The following MYO16 variants were observed in gnomAD, a reference collection of about 807,000 sequenced individuals.
The protein encoded by MYO16 is myosin XVI, also known as unconventional myosin-XVI.
Under a neutral mutation model 205.3 loss-of-function variants are expected in MYO16, and 94 were observed. That is an observed-to-expected ratio of 0.46 (90% CI 0.39 to 0.54). MYO16 has a LOEUF of 0.54. Ranked by LOEUF, MYO16 falls within the 20% of genes least tolerant of loss-of-function variation. MYO16 has a pLI of 0.00. For synonymous variants in MYO16, 988 were observed against 954.0 expected (o/e 1.04, Z -0.66); for missense variants, 2,315 against 2,387.5 (o/e 0.97, Z 0.63).
chr13:108,666,080 A>G lies in MYO16; in HGVS notation c.223A>G (p.Asn75Asp). 4 of 1,614,132 alleles carry G rather than the reference A, an allele frequency of 2.5e-6. No homozygotes were observed. In the South Asian group the frequency reaches 4.4e-5, roughly 18 times the overall value. Residue 75 changes from asparagine (N) to aspartate (D), a missense_variant, in exon 2 of 35, where the codon AAT becomes GAT. Asn to Asp is a conservative substitution (Grantham distance 23, BLOSUM62 1). Transcript: ENST00000457511. ...CCTGAAAAGGCTGAAGCATGCGAAG[A>G]ATCCGAAAGTTCACTTCAACCTCAC... ...GFLKRLKHAKNPKVHFNLTDM... is the reference protein window; with the variant it reads ...GFLKRLKHAKDPKVHFNLTDM...
intron 17 of MYO16, among the ~76,000 whole-genome samples, chr13:108,960,711 A>T (rs995630683): frequency 2.0e-5 from 3 of 152,206 alleles, no homozygotes; most frequent in Non-Finnish European, 2.9e-5. Flanking sequence ...ACGGGGCTCA[A>T]CCTGTTTTAC....
intron 4 of MYO16, among the ~76,000 whole-genome samples, chr13:108,729,633 T>G (rs562767500): frequency 6.6e-6 from 1 of 152,334 alleles, no homozygotes; most frequent in Non-Finnish European, 1.5e-5. Flanking sequence ...ATGGCCATAC[T>G]TATTCTCACA....
intron 28 of MYO16, among the ~76,000 whole-genome samples, chr13:109,112,191 G>C (rs966287904): frequency 5.9e-5 from 9 of 152,112 alleles, no homozygotes; most frequent in South Asian, 2.1e-4. Context: ...ATAAAAAAGG[G>C]TTAGCTCATA....
chr13:109,023,714 A>ATATATGTATATATGTATATATTACAT (rs1886241293), intron 23 of MYO16, among the ~76,000 whole-genome samples: 2 of 56,474 alleles, frequency 3.5e-5, no homozygotes, highest in Non-Finnish European at 7.2e-5. Flanking sequence ...TATATATACA[A>ATATATGTATATATGTATATATTACAT]ATATATGTAT....
At chr13:108,536,909 A>G in the MYO16 span, among the ~76,000 whole-genome samples, 1 of 152,114 alleles carries the variant, frequency 6.6e-6, no homozygotes, top group East Asian at 1.9e-4. Context: ...CCATCATCAC[A>G]AATAGTGTTG....
In MYO16 at chr13:109,162,111, AT is replaced by A. The variant is rs1878414314; in HGVS notation, c.5165-2789del. Among the ~76,000 whole-genome samples the A allele has an allele frequency of 6.6e-6, 1 of 152,208 alleles. No homozygotes were observed. The highest frequency in any genetic ancestry group is 2.4e-5 in the African/African-American group (1 of 41,444). ...AAAAACAAAACAAAGCCCAAAAAAC[AT>A]GTCTTGGCTATAGTTTAACCTGCCA... On this transcript the variant is annotated intron_variant, in intron 32 of 34. Transcript: ENST00000457511. This position sits in a 1 kb window ranked among gnomAD's most constrained non-coding sequence, Gnocchi z 4.6.
At chr13:108,904,535 A>G (rs1344318410) in intron 15 of MYO16, among the ~76,000 whole-genome samples, 1 of 152,184 alleles carries the variant, frequency 6.6e-6, no homozygotes, top group African/African-American at 2.4e-5. Flanking sequence ...AAGTCAGTTT[A>G]TGATATTAAT....
rs533033775 is a variant in MYO16 at position 109,180,865 on chromosome 13, T to C, written c.5415+1232T>C. On this transcript the variant is annotated intron_variant, in intron 34 of 34. Transcript: ENST00000457511. ...ATCACAGATGCTTCCTCTGAGATCATGCACAGGGGAACCTCCTGGTCATGA... is the reference window on the plus strand; with the variant it reads ...ATCACAGATGCTTCCTCTGAGATCACGCACAGGGGAACCTCCTGGTCATGA... Among the ~76,000 whole-genome samples, 4 of 152,348 alleles carry C rather than the reference T, an allele frequency of 2.6e-5. No homozygotes were observed. In the South Asian group the frequency reaches 8.3e-4, roughly 32 times the overall value.
chr13:108,609,129 T>A (rs1879075423), intron 1 of MYO16, among the ~76,000 whole-genome samples: 1 of 152,202 alleles, frequency 6.6e-6, no homozygotes, highest in Non-Finnish European at 1.5e-5. Flanking sequence ...CTCAAGCCTG[T>A]CTGCAGGCCA....
chr13:109,000,544 T>C (rs1440530254), intron 21 of MYO16, among the ~76,000 whole-genome samples: 1 of 152,218 alleles, frequency 6.6e-6, no homozygotes. Context: ...TAATCATTGG[T>C]TTTGGACTAT....
intron 34 of MYO16, among the ~76,000 whole-genome samples, chr13:109,198,282 A>C (rs1417134875): frequency 6.6e-6 from 1 of 152,162 alleles, no homozygotes; most frequent in Non-Finnish European, 1.5e-5. Flanking sequence ...AACGCAAATA[A>C]ATTTTAAATT....
chr13:109,174,748 C>CT (rs34606084), intron 33 of MYO16, among the ~76,000 whole-genome samples: 10,007 of 85,542 alleles, frequency 0.12, 745 homozygotes, highest in African/African-American at 0.15. Context: ...CTTGTCTTGT[C>CT]TTTTTTTTTT....
intron 14 of MYO16, among the ~76,000 whole-genome samples, chr13:108,897,672 C>T (rs566308041): frequency 8.5e-5 from 13 of 152,292 alleles, no homozygotes; most frequent in Middle Eastern, 6.8e-3. Context: ...AAAATGCAAA[C>T]GCTATTTTAC....
chr13:108,888,343 C>T (rs1389633328), intron 13 of MYO16, 29 bp from the exon 14 acceptor site: 1 of 1,502,702 alleles, frequency 6.7e-7, no homozygotes, highest in Non-Finnish European at 9.0e-7. Context: ...TTCCTTCAAA[C>T]TTATGTTTTT....
At chr13:108,728,996 T>TA (rs1030191801) in intron 4 of MYO16, among the ~76,000 whole-genome samples, 10 of 151,676 alleles carry the variant, frequency 6.6e-5, no homozygotes, top group East Asian at 3.9e-4. Context: ...TTTTTTTTTT[T>TA]TTACAGTAGA....
intron 21 of MYO16, among the ~76,000 whole-genome samples, chr13:108,996,176 TATA>T (rs1348820826): frequency 8.5e-5 from 13 of 152,234 alleles, no homozygotes; most frequent in Admixed American, 8.5e-4. Flanking sequence ...AATTATTTCT[TATA>T]ATAAGTACAA....
chr13:108,847,678 T>C (rs1350366136), intron 10 of MYO16, among the ~76,000 whole-genome samples: 1 of 152,128 alleles, frequency 6.6e-6, no homozygotes. Flanking sequence ...TGATTTGACA[T>C]TTTATTTTTT....
the MYO16 span, among the ~76,000 whole-genome samples, chr13:108,508,135 T>C: frequency 1.3e-5 from 2 of 152,118 alleles, no homozygotes; most frequent in African/African-American, 4.8e-5. Context: ...GTTACATAAT[T>C]CATAGATCTC....
At chr13:108,988,022 G>C (rs936700607) in intron 20 of MYO16, among the ~76,000 whole-genome samples, 2 of 152,166 alleles carry the variant, frequency 1.3e-5, no homozygotes, top group African/African-American at 4.8e-5. Context: ...TGACAGTTTT[G>C]TTAACTATCA....
Sources: gnomAD v4.1 joint callset for allele counts (sites outside exome capture counted in the v4.1 genomes callset) on GRCh38, gnomAD v4.1.1 for gene constraint, Gnocchi (gnomAD v3.1) non-coding constraint, MANE v1.5 for transcripts, NCBI Gene and HGNC (gene_info 2026-07-23, HGNC 2026-07-21) for gene names.